The following CDK14 variants were observed in gnomAD, a reference collection of about 807,000 sequenced individuals.
CDK14 encodes cyclin dependent kinase 14, also known as cyclin-dependent kinase 14.
Under a neutral mutation model 60.7 loss-of-function variants are expected in CDK14, and 34 were observed. The observed-to-expected ratio is 0.56, with a 90% CI of 0.43 to 0.75. The LOEUF (loss-of-function observed/expected upper bound fraction) is 0.75, where lower values mean the gene tolerates loss of function less well. Among genes scored for constraint, CDK14 ranks in the 30% least tolerant of loss-of-function variants. The probability of loss-of-function intolerance (pLI) is 0.00; values close to 1 mark genes in which losing one functional copy is unlikely to be tolerated. For synonymous variants in CDK14, 197 were observed against 203.7 expected (o/e 0.97, Z 0.28); for missense variants, 482 against 564.1 (o/e 0.85, Z 1.47).
intron 2 of CDK14, among the ~76,000 whole-genome samples, chr7:90,656,657 C>T (rs916999025): frequency 6.6e-6 from 1 of 152,156 alleles, no homozygotes; most frequent in African/African-American, 2.4e-5. Flanking sequence ...GGATTACAGG[C>T]GTGAGCCACC....
intron 5 of CDK14, among the ~76,000 whole-genome samples, chr7:90,830,331 T>A (rs1789874691): frequency 6.6e-6 from 1 of 152,158 alleles, no homozygotes; most frequent in Non-Finnish European, 1.5e-5. Context: ...TTGCAACCTC[T>A]GAAGCAAAGG....
intron 14 of CDK14, among the ~76,000 whole-genome samples, chr7:91,145,914 CTTGCTTTA>C (rs1197185345): frequency 2.2e-4 from 24 of 110,076 alleles, no homozygotes; most frequent in Non-Finnish European, 3.1e-4. Context: ...ATTAACCTGG[CTTGCTTTA>C]TTTATTTATT....
chr7:90,685,827 C>T (rs943935419), intron 2 of CDK14, among the ~76,000 whole-genome samples: 1 of 151,932 alleles, frequency 6.6e-6, no homozygotes, highest in Non-Finnish European at 1.5e-5. Context: ...AATACAAGTT[C>T]TCTCTCCAGT....
At chr7:91,204,752 C>T (rs1228585096) in intron 14 of CDK14, among the ~76,000 whole-genome samples, 3 of 152,140 alleles carry the variant, frequency 2.0e-5, no homozygotes, top group Non-Finnish European at 4.4e-5. Context: ...AGTTCAAGAC[C>T]AGCCTGGACA....
chr7:90,737,473 G>T (rs1803168633), intron 3 of CDK14, among the ~76,000 whole-genome samples: 1 of 152,152 alleles, frequency 6.6e-6, no homozygotes, highest in African/African-American at 2.4e-5. Context: ...TTAAGGTGTG[G>T]TTGGTGTGTC....
chr7:90,806,072 C>A (rs545645767), intron 5 of CDK14, among the ~76,000 whole-genome samples: 1 of 152,108 alleles, frequency 6.6e-6, no homozygotes, highest in East Asian at 1.9e-4. Context: ...GGTGCTATGA[C>A]AATTGGATAT....
intron 14 of CDK14, among the ~76,000 whole-genome samples, chr7:91,183,958 G>T (rs1417148463): frequency 6.6e-6 from 1 of 152,172 alleles, no homozygotes; most frequent in Non-Finnish European, 1.5e-5. Flanking sequence ...ACTTTGGGAG[G>T]CCAAGGCAGG....
chr7:91,046,089 A>G (rs1476404299), intron 11 of CDK14, 129 bp downstream of exon 11: 2 of 623,868 alleles, frequency 3.2e-6, no homozygotes, highest in Middle Eastern at 2.6e-4. Context: ...TACTTTGTCT[A>G]TTAATGGAAT....
chr7:90,876,050 G>C (rs1362321739), intron 6 of CDK14, among the ~76,000 whole-genome samples: 1 of 151,622 alleles, frequency 6.6e-6, no homozygotes, highest in Non-Finnish European at 1.5e-5. Context: ...GTTTGTTTTG[G>C]GCTCTCTCTT....
At chr7:90,824,979 T>C (rs1254422480) in intron 5 of CDK14, among the ~76,000 whole-genome samples, 2 of 152,206 alleles carry the variant, frequency 1.3e-5, no homozygotes, top group East Asian at 3.8e-4. Flanking sequence ...AGTTTGTGGC[T>C]TTGGCTCAGA....
chr7:90,996,780 TAATATAA>T (rs1172583846), intron 10 of CDK14, among the ~76,000 whole-genome samples: 1 of 152,224 alleles, frequency 6.6e-6, no homozygotes, highest in African/African-American at 2.4e-5. Context: ...GTATAATACC[TAATATAA>T]ATTCAGGCTT....
intron 2 of CDK14, among the ~76,000 whole-genome samples, chr7:90,628,516 G>A (rs1036891134): frequency 6.6e-6 from 1 of 152,058 alleles, no homozygotes; most frequent in Non-Finnish European, 1.5e-5. Context: ...AATCACCTGG[G>A]GATCTTGTTA....
At chr7:90,716,940 G>A (rs1177078354) in intron 2 of CDK14, among the ~76,000 whole-genome samples, 2 of 152,154 alleles carry the variant, frequency 1.3e-5, no homozygotes, top group East Asian at 3.9e-4. Context: ...TTCTGACTTG[G>A]TAGAACTGCA....
chr7:90,640,136 C>G (rs1052211934), intron 2 of CDK14, among the ~76,000 whole-genome samples: 1 of 152,080 alleles, frequency 6.6e-6, no homozygotes, highest in African/African-American at 2.4e-5. Flanking sequence ...CTGTCCTGTG[C>G]CCACTGTCTG....
At chr7:90,872,472 A>G (rs927650249) in intron 6 of CDK14, among the ~76,000 whole-genome samples, 1 of 152,136 alleles carries the variant, frequency 6.6e-6, no homozygotes, top group African/African-American at 2.4e-5. Flanking sequence ...TAAAAAGGAA[A>G]CAAGCTAGCT....
intron 2 of CDK14, among the ~76,000 whole-genome samples, chr7:90,622,449 G>A (rs777363871): frequency 5.9e-5 from 9 of 152,138 alleles, no homozygotes; most frequent in African/African-American, 1.7e-4. Context: ...AATCTAACGC[G>A]GTGATCTTTC....
intron 2 of CDK14, among the ~76,000 whole-genome samples, chr7:90,661,458 T>G (rs1800865019): frequency 6.6e-6 from 1 of 152,210 alleles, no homozygotes. Context: ...GAACCTGTTG[T>G]TACAAGTTCT....
At chr7:91,097,540 A>G (rs1018269869) in intron 12 of CDK14, among the ~76,000 whole-genome samples, 6 of 151,714 alleles carry the variant, frequency 4.0e-5, no homozygotes, top group Admixed American at 2.0e-4. Flanking sequence ...TTTTGTATAC[A>G]TTCCAGGATT....
At chr7:90,720,254 G>A (rs994871311) in intron 2 of CDK14, among the ~76,000 whole-genome samples, 3 of 152,176 alleles carry the variant, frequency 2.0e-5, no homozygotes, top group Admixed American at 6.5e-5. Flanking sequence ...GGATTGGTCC[G>A]AGTGGGTGGG....
Sources: gnomAD v4.1 joint callset for allele counts (sites outside exome capture counted in the v4.1 genomes callset) on GRCh38, gnomAD v4.1.1 for gene constraint, MANE v1.5 for transcripts, NCBI Gene and HGNC (gene_info 2026-07-23, HGNC 2026-07-21) for gene names.